Variants in GLRA2 observed in about 807,000 individuals in gnomAD.
The protein encoded by GLRA2 is glycine receptor alpha 2.
In GLRA2, 11 loss-of-function variants were observed where a neutral mutation model predicts 31.6. The observed-to-expected ratio is 0.35, with a 90% CI of 0.22 to 0.58. GLRA2 has a LOEUF of 0.58. GLRA2 is among the 20% of genes least tolerant of loss of function. GLRA2 has a pLI of 0.84. For synonymous variants in GLRA2, 132 were observed against 134.0 expected (o/e 0.99, Z 0.10); for missense variants, 212 against 351.8 (o/e 0.60, Z 3.18).
chrX:14,486,471 T>C, the GLRA2 span, among the ~76,000 whole-genome samples: 1 of 111,701 alleles, frequency 9.0e-6, no homozygotes, highest in Admixed American at 9.5e-5. Flanking sequence ...AGAAGATATT[T>C]GCAGTACACA....
At chrX:14,540,829 A>G (rs1308835545) in intron 2 of GLRA2, among the ~76,000 whole-genome samples, 1 of 109,554 alleles carries the variant, frequency 9.1e-6, no homozygotes, top group African/African-American at 3.3e-5. Flanking sequence ...ATTGGAGTAT[A>G]CGTGTGTGCG....
At chrX:14,599,689 C>T (rs1263847563) in intron 4 of GLRA2, among the ~76,000 whole-genome samples, 3 of 111,767 alleles carry the variant, frequency 2.7e-5, no homozygotes, top group Non-Finnish European at 5.6e-5. Context: ...GATGGGAATG[C>T]TCTAAATCTG....
chrX:14,637,275 A>G (rs1162404717), intron 7 of GLRA2, among the ~76,000 whole-genome samples: 1 of 111,908 alleles, frequency 8.9e-6, no homozygotes, highest in African/African-American at 3.2e-5. Context: ...GTAGAGTTAC[A>G]TGTATGTACC....
intron 2 of GLRA2, among the ~76,000 whole-genome samples, chrX:14,562,676 C>T (rs1395857063): frequency 8.9e-6 from 1 of 112,015 alleles, no homozygotes. Flanking sequence ...TAGATATCTG[C>T]CTTCTCACTG....
At chrX:14,631,330 A>G (rs1340071523) in intron 7 of GLRA2, among the ~76,000 whole-genome samples, 8 of 111,238 alleles carry the variant, frequency 7.2e-5, no homozygotes, top group Non-Finnish European at 1.1e-4. Context: ...ATGTAGTTAT[A>G]GTAGGATTTG....
At chrX:14,544,795 T>G (rs924934646) in intron 2 of GLRA2, among the ~76,000 whole-genome samples, 1 of 111,673 alleles carries the variant, frequency 9.0e-6, no homozygotes, top group African/African-American at 3.2e-5. Context: ...TATATAGATA[T>G]TCTTAAATAT....
At chrX:14,454,639 G>A in the GLRA2 span, among the ~76,000 whole-genome samples, 1 of 108,185 alleles carries the variant, frequency 9.2e-6, no homozygotes, top group African/African-American at 3.4e-5. Context: ...AAAAATTATA[G>A]TGATCCCCTT....
At chrX:14,644,850 GT>G (rs1415546116) in intron 7 of GLRA2, among the ~76,000 whole-genome samples, 1 of 111,898 alleles carries the variant, frequency 8.9e-6, no homozygotes, top group Non-Finnish European at 1.9e-5. Flanking sequence ...AAATAATTCA[GT>G]TCAGTATCGG....
intron 8 of GLRA2, among the ~76,000 whole-genome samples, chrX:14,720,140 CAAT>C (rs1324559236): frequency 9.0e-6 from 1 of 110,548 alleles, no homozygotes; most frequent in East Asian, 2.8e-4. Context: ...CTACAGTAAA[CAAT>C]AATTTATTGT....
the GLRA2 span, among the ~76,000 whole-genome samples, chrX:14,511,402 C>T: frequency 9.0e-6 from 1 of 111,429 alleles, no homozygotes; most frequent in Admixed American, 9.5e-5. Flanking sequence ...GACTAGAATA[C>T]CTTTCCTTTG....
At chrX:14,576,128 G>A (rs918997273) in intron 3 of GLRA2, among the ~76,000 whole-genome samples, 15 of 108,936 alleles carry the variant, frequency 1.4e-4, no homozygotes, top group Non-Finnish European at 5.7e-5. Context: ...CTAACATCAT[G>A]TTTAATAAAT....
chrX:14,540,986 C>T (rs972909090), intron 2 of GLRA2, among the ~76,000 whole-genome samples: 1 of 108,885 alleles, frequency 9.2e-6, no homozygotes, highest in African/African-American at 3.3e-5. Flanking sequence ...TAGAGAGAGA[C>T]GCGGAGGGAG....
At chrX:14,453,658 A>G in the GLRA2 span, among the ~76,000 whole-genome samples, 3 of 112,036 alleles carry the variant, frequency 2.7e-5, no homozygotes, top group African/African-American at 9.7e-5. Flanking sequence ...TGCAATTGCC[A>G]TATCACACAG....
At chrX:14,646,771 G>A (rs2090836599) in intron 7 of GLRA2, among the ~76,000 whole-genome samples, 1 of 111,577 alleles carries the variant, frequency 9.0e-6, no homozygotes, top group Non-Finnish European at 1.9e-5. Context: ...CAAAGGTAGA[G>A]AGAATCAATT....
chrX:14,554,101 C>T (rs893511257), intron 2 of GLRA2, among the ~76,000 whole-genome samples: 3 of 111,870 alleles, frequency 2.7e-5, no homozygotes, highest in Non-Finnish European at 3.8e-5. Flanking sequence ...TGAGATAAAA[C>T]GTGGAAGTGC....
At chrX:14,586,206 C>T (rs1044523402) in intron 4 of GLRA2, among the ~76,000 whole-genome samples, 2 of 111,531 alleles carry the variant, frequency 1.8e-5, no homozygotes, top group Non-Finnish European at 3.8e-5. Flanking sequence ...CCGTAAGTGT[C>T]ATCCTTATGA....
chrX:14,638,019 C>T (rs1446636147), intron 7 of GLRA2, among the ~76,000 whole-genome samples: 2 of 111,556 alleles, frequency 1.8e-5, no homozygotes, highest in East Asian at 5.6e-4. Flanking sequence ...GAAGATTTTA[C>T]TAGAGACAGG....
chrX:14,730,066 G>C, intron 8 of GLRA2, 141 bp from the exon 9 acceptor site: 1 of 502,063 alleles, frequency 2.0e-6, no homozygotes, highest in South Asian at 3.0e-5. Context: ...AGTTGAACTT[G>C]AAAGAGAACT....
At position 14,552,312 on chromosome X, in the gene GLRA2, G is replaced by C. The variant is rs5935769; in HGVS notation, c.202+19940G>C. 2.2e-3 allele frequency among the ~76,000 whole-genome samples: 243 copies of C among 112,414 alleles called. 1 individual carries two copies. The highest frequency in any genetic ancestry group is 3.6e-3 in the Admixed American group (38 of 10,655). On this transcript the variant is annotated intron_variant, in intron 2 of 8. Transcript: ENST00000218075. ...GTGTAAGGAAGAGGTGGAAAATGAC[G>C]TGAAGACTTGGAGTATGGGTGGGGT...
Sources: allele counts gnomAD v4.1 joint callset (sites outside exome capture counted in the v4.1 genomes callset), GRCh38; gene constraint gnomAD v4.1.1; transcripts MANE v1.5; gene names NCBI Gene and HGNC (gene_info 2026-07-23, HGNC 2026-07-21).